Variants in MFAP3L observed in about 807,000 individuals in gnomAD.
MFAP3L encodes microfibrillar-associated protein 3-like.
Under a neutral mutation model 20.0 loss-of-function variants are expected in MFAP3L, and 5 were observed. The ratio of observed to expected loss-of-function variants is 0.25; its 90% CI spans 0.13 to 0.53. The LOEUF is 0.53. Ranked by LOEUF, MFAP3L falls within the 20% of genes least tolerant of loss-of-function variation. The pLI, the probability that MFAP3L is intolerant of heterozygous loss-of-function variation, is 0.96. For missense variants in MFAP3L, 409 were observed against 527.5 expected, an observed-to-expected ratio of 0.78 and a Z score of 2.20; for synonymous variants, 219 against 213.0, an observed-to-expected ratio of 1.03 and a Z score of -0.25.
chr4:169,993,911 T>C (rs986244825), intron 2 of MFAP3L: 1 of 153,446 alleles, frequency 6.5e-6, no homozygotes. Context: ...GTCTGTGAAA[T>C]TCTCGCTAAT....
intron 2 of MFAP3L, among the ~76,000 whole-genome samples, chr4:170,002,938 A>G (rs1738768496): frequency 6.6e-6 from 1 of 152,130 alleles, no homozygotes. Flanking sequence ...TCCATATTAT[A>G]ATATGGACAT....
upstream of MFAP3L, among the ~76,000 whole-genome samples, chr4:170,026,613 G>A (rs1730456727): frequency 6.6e-6 from 1 of 151,940 alleles, no homozygotes; most frequent in Admixed American, 6.5e-5. Flanking sequence ...TTGCCGGGGA[G>A]TCCCGCATTC....
At chr4:170,006,104 A>T in intron 1 of MFAP3L, 94 bp from the exon 2 acceptor site, 1 of 973,774 alleles carries the variant, frequency 1.0e-6, no homozygotes, top group Middle Eastern at 3.6e-4. Context: ...TAAAATACAA[A>T]CATCAACATA....
chr4:170,014,068 T>C (rs999837043), intron 1 of MFAP3L, among the ~76,000 whole-genome samples: 14 of 152,246 alleles, frequency 9.2e-5, no homozygotes, highest in Admixed American at 7.9e-4. Flanking sequence ...TCTTTGATCT[T>C]TGACACCGTC....
intron 2 of MFAP3L, chr4:169,994,371 G>A: frequency 1.0e-6 from 1 of 985,104 alleles, no homozygotes; most frequent in Non-Finnish European, 1.2e-6. Flanking sequence ...GGGTACAGAA[G>A]AGGAGAACAC....
intron 2 of MFAP3L, among the ~76,000 whole-genome samples, chr4:169,996,768 G>T (rs912926626): frequency 6.6e-6 from 1 of 152,094 alleles, no homozygotes; most frequent in Admixed American, 6.5e-5. Flanking sequence ...TCCTGCAGGA[G>T]ACCTGGAGCC....
intron 1 of MFAP3L, among the ~76,000 whole-genome samples, chr4:170,012,039 G>A (rs140909175): frequency 1.6e-4 from 24 of 152,294 alleles, no homozygotes; most frequent in African/African-American, 2.2e-4. Flanking sequence ...GAAAATGACC[G>A]GATAGTATGC....
In MFAP3L at chr4:169,987,768, C is replaced by A. The variant is rs1737375090; in HGVS notation, c.*3610G>T. Reference sequence around the variant, plus strand: ...TCCTAGATCACCAATAAATAAAGATCCAAGCATGAGACTTGAAACATCTTA... The same window carrying A: ...TCCTAGATCACCAATAAATAAAGATACAAGCATGAGACTTGAAACATCTTA... On this transcript the variant is annotated 3_prime_UTR_variant, in exon 3 of 3. Transcript: ENST00000361618. 1 of 152,078 alleles carries A rather than the reference C, an allele frequency of 6.6e-6. No individual in the cohort carries two copies. Among genetic ancestry groups the A allele is most frequent in the Non-Finnish European group, 1.5e-5 (1 of 68,022 alleles). The allele number at this position is 152,078 out of a possible 1,614,324, so 9.4% of individuals were successfully genotyped here. A position where few individuals can be genotyped will look rare whatever the true frequency, so the allele number is the denominator to read the frequency against.
intron 2 of MFAP3L, chr4:169,997,641 A>C: frequency 2.3e-6 from 2 of 881,248 alleles, no homozygotes; most frequent in Non-Finnish European, 2.7e-6. Context: ...TGCCAGAATA[A>C]AGGGGAGTCG....
chr4:170,006,073 A>G (rs1037792563), intron 1 of MFAP3L, 63 bp from the exon 2 acceptor site: 23 of 1,262,780 alleles, frequency 1.8e-5, no homozygotes, highest in Admixed American at 3.1e-5. Flanking sequence ...TCAAAACACT[A>G]TAAACGGTTA....
rs1378734280 is a variant in MFAP3L at position 169,987,686 on chromosome 4, A to G, written c.*3692T>C. The G allele has an allele frequency of 6.6e-6, 1 of 152,202 alleles. No individual in the cohort carries two copies. The highest frequency in any genetic ancestry group is 6.5e-5 in the Admixed American group (1 of 15,286). The allele number at this position is 152,202 out of a possible 1,614,324, so 9.4% of individuals were successfully genotyped here. A position where few individuals can be genotyped will look rare whatever the true frequency, so the allele number is the denominator to read the frequency against. ...CACGGGGCTTAGAGCATGCTGTTCC[A>G]AACATGCAAATGTCCTTTGTACCTG... On this transcript the variant is annotated 3_prime_UTR_variant, in exon 3 of 3. Coordinates refer to ENST00000361618, the MANE Select transcript of MFAP3L (RefSeq NM_021647.8).
At chr4:169,994,038 T>C (rs892884748) in intron 2 of MFAP3L, among the ~76,000 whole-genome samples, 5 of 152,212 alleles carry the variant, frequency 3.3e-5, no homozygotes, top group Middle Eastern at 6.3e-3. Flanking sequence ...AGTTACCTTG[T>C]CAATTTATTT....
intron 1 of MFAP3L, among the ~76,000 whole-genome samples, chr4:170,017,430 A>G (rs4692784): frequency 0.45 from 67,762 of 152,006 alleles, 15,361 homozygotes; most frequent in East Asian, 0.71. Flanking sequence ...TTATCTCATC[A>G]GAGCCTCAGC....
chr4:170,018,440 A>G (rs10011869), intron 1 of MFAP3L, among the ~76,000 whole-genome samples: 15,614 of 152,174 alleles, frequency 0.1, 1,253 homozygotes, highest in African/African-American at 0.23. Context: ...AATGATAAAG[A>G]GGACTTTGGA....
intron 2 of MFAP3L, chr4:170,005,313 T>C (rs1380206521): frequency 2.0e-6 from 1 of 501,304 alleles, no homozygotes; most frequent in Non-Finnish European, 3.5e-6. Context: ...GTCTCTATAA[T>C]GTATTGGATG....
intron 1 of MFAP3L, among the ~76,000 whole-genome samples, chr4:170,010,808 C>CA (rs1554000961): frequency 6.7e-6 from 1 of 150,318 alleles, no homozygotes; most frequent in Non-Finnish European, 1.5e-5. Context: ...CACTGCATTG[C>CA]GGGGGGGTGG....
rs538967693 is a variant in MFAP3L, at chr4:170,024,913, A to G, written c.-134+1321T>C. ...GCATTTCTAAAGTCTATTAAGGTCT[A>G]TAAAGAATGTAAACAATTGTTTTGT... On this transcript the variant is annotated intron_variant, in intron 1 of 2. Transcript: ENST00000361618. 6.6e-5 allele frequency among the ~76,000 whole-genome samples: 10 copies of G among 152,368 alleles called. No individual in the cohort carries two copies. In the East Asian group the frequency reaches 1.9e-3, roughly 29 times the overall value.
intron 1 of MFAP3L, 67 bp downstream of exon 1, chr4:170,026,167 C>G: frequency 1.1e-6 from 1 of 933,442 alleles, no homozygotes. Context: ...ACTCGGCCGC[C>G]GACCCGGTGC....
At chr4:170,019,491 C>A (rs1739895973) in intron 1 of MFAP3L, among the ~76,000 whole-genome samples, 1 of 152,162 alleles carries the variant, frequency 6.6e-6, no homozygotes, top group African/African-American at 2.4e-5. Context: ...CTACAGTGAG[C>A]CATGATCATG....
Sources: allele counts gnomAD v4.1 joint callset (sites outside exome capture counted in the v4.1 genomes callset), GRCh38; gene constraint gnomAD v4.1.1; transcripts MANE v1.5; gene names NCBI Gene and HGNC (gene_info 2026-07-23, HGNC 2026-07-21).